C4orf51: variants seen among roughly 807,000 people sequenced by gnomAD.
C4orf51 encodes chromosome 4 open reading frame 51.
In C4orf51, 25 loss-of-function variants were observed where a neutral mutation model predicts 25.2. The ratio of observed to expected loss-of-function variants is 0.99; its 90% CI spans 0.72 to 1.39. The LOEUF is 1.39. C4orf51 is among the 40% of genes most tolerant of loss of function. The probability of loss-of-function intolerance (pLI) is 0.00; values close to 1 mark genes in which losing one functional copy is unlikely to be tolerated. For synonymous variants in C4orf51, 100 were observed against 84.5 expected (o/e 1.18, Z -1.01); for missense variants, 252 against 239.6 (o/e 1.05, Z -0.34).
intron 1 of C4orf51, among the ~76,000 whole-genome samples, chr4:145,682,689 C>T (rs191655429): frequency 5.9e-5 from 9 of 152,038 alleles, no homozygotes; most frequent in East Asian, 3.9e-4. Flanking sequence ...CAGTTTTAAC[C>T]GCAGATATGT....
At chr4:145,696,869 CA>C (rs1730097451) in intron 2 of C4orf51, among the ~76,000 whole-genome samples, 1 of 151,778 alleles carries the variant, frequency 6.6e-6, no homozygotes, top group Non-Finnish European at 1.5e-5. Flanking sequence ...CCATCTCTAC[CA>C]AAAATACAAA....
At chr4:145,767,322 T>C (rs1465306965) in intron 1 of C4orf51, among the ~76,000 whole-genome samples, 1 of 152,124 alleles carries the variant, frequency 6.6e-6, no homozygotes, top group African/African-American at 2.4e-5. Flanking sequence ...ATAATAGCTA[T>C]AGAAACTATC....
In C4orf51 at chr4:145,763,855, C is replaced by T. The variant is rs182271513; in HGVS notation, n.167-7133C>T. On this transcript the variant is annotated intron_variant and non_coding_transcript_variant, in intron 1 of 1. Transcript: ENST00000510096. This position sits in a 1 kb window ranked among gnomAD's most constrained non-coding sequence, Gnocchi z 4.6. ...CCCCTCCCCAATCCCTTCTGCCCTC[C>T]CCTCCCCCTCCCCCAAGAGTGAAAC... Among the ~76,000 whole-genome samples, 2,601 of 152,218 alleles carry T rather than the reference C, an allele frequency of 0.017. 56 individuals carry two copies. The highest frequency in any genetic ancestry group is 0.023 in the Non-Finnish European group (1,548 of 67,986).
chr4:145,747,636 G>A (rs930355567), intron 1 of C4orf51, among the ~76,000 whole-genome samples: 3 of 151,424 alleles, frequency 2.0e-5, no homozygotes, highest in Admixed American at 6.6e-5. Flanking sequence ...ATCAATATCA[G>A]TGACATTGAT....
At chr4:145,698,377 G>GATTACATGTATCAA (rs1730206425) in intron 2 of C4orf51, among the ~76,000 whole-genome samples, 1 of 152,206 alleles carries the variant, frequency 6.6e-6, no homozygotes, top group East Asian at 1.9e-4. Context: ...CATGTAAGAT[G>GATTACATGTATCAA]TACATTGGTT....
At chr4:145,691,973 C>CATCACACAAT (rs1560822471) in intron 1 of C4orf51, among the ~76,000 whole-genome samples, 1 of 152,198 alleles carries the variant, frequency 6.6e-6, no homozygotes, top group African/African-American at 2.4e-5. Flanking sequence ...CTCTGATATA[C>CATCACACAAT]AGCTGATAGG....
intron 1 of C4orf51, among the ~76,000 whole-genome samples, chr4:145,741,366 T>A (rs1733088037): frequency 6.6e-6 from 1 of 152,192 alleles, no homozygotes; most frequent in Non-Finnish European, 1.5e-5. Context: ...TTTTTTGGAC[T>A]CTTTGTATTT....
At chr4:145,760,719 GGTT>G in intron 1 of C4orf51, 2 of 845,942 alleles carry the variant, frequency 2.4e-6, no homozygotes, top group Non-Finnish European at 2.8e-6. Context: ...TAAGTTTTGT[GGTT>G]TTTTTTTTTT....
At chr4:145,682,193 AG>A (rs928799492) in intron 1 of C4orf51, among the ~76,000 whole-genome samples, 4 of 152,104 alleles carry the variant, frequency 2.6e-5, no homozygotes, top group Non-Finnish European at 4.4e-5. Flanking sequence ...TGAGCTTGTG[AG>A]GTTCATCTGT....
chr4:145,705,132 A>G (rs1434895929), intron 2 of C4orf51, among the ~76,000 whole-genome samples: 1 of 152,188 alleles, frequency 6.6e-6, no homozygotes, highest in Non-Finnish European at 1.5e-5. Context: ...CATTTGAGGC[A>G]TTCTTCCCTT....
chr4:145,757,038 AATAG>A (rs1193881398), downstream of C4orf51, among the ~76,000 whole-genome samples: 1 of 152,202 alleles, frequency 6.6e-6, no homozygotes, highest in Non-Finnish European at 1.5e-5. Context: ...AAAGGTCTCA[AATAG>A]ATAGAACAAA....
intron 1 of C4orf51, among the ~76,000 whole-genome samples, chr4:145,691,422 C>T (rs933806935): frequency 3.9e-5 from 6 of 152,148 alleles, no homozygotes; most frequent in Admixed American, 3.9e-4. Context: ...CTGCCATTGA[C>T]CCAGCAATCT....
chr4:145,720,969 T>C (rs1446310297), intron 2 of C4orf51, among the ~76,000 whole-genome samples: 13 of 152,244 alleles, frequency 8.5e-5, no homozygotes, highest in Non-Finnish European at 5.9e-5. Context: ...CAGAGGGACC[T>C]TTTAACTTCA....
intron 2 of C4orf51, among the ~76,000 whole-genome samples, chr4:145,724,833 A>G (rs1013430959): frequency 1.4e-5 from 2 of 145,094 alleles, no homozygotes; most frequent in African/African-American, 2.6e-5. Flanking sequence ...GCAGTGAGCC[A>G]TGATCATGCA....
intron 2 of C4orf51, among the ~76,000 whole-genome samples, chr4:145,701,685 T>G (rs1199834764): frequency 6.6e-6 from 1 of 151,696 alleles, no homozygotes; most frequent in Admixed American, 6.6e-5. Flanking sequence ...CCACTCCACA[T>G]TACCTTCTTT....
chr4:145,782,154 A>C, the C4orf51 span, among the ~76,000 whole-genome samples: 9 of 152,174 alleles, frequency 5.9e-5, no homozygotes, highest in Non-Finnish European at 1.2e-4. Context: ...TGCTCTCCCC[A>C]CCTCATGTTT....
downstream of C4orf51, chr4:145,774,606 C>T (rs778417507): frequency 6.2e-7 from 1 of 1,613,726 alleles, no homozygotes; most frequent in Admixed American, 1.7e-5. Flanking sequence ...GCTCCTTGTC[C>T]ACGTGGAGTG....
intron 1 of C4orf51, chr4:145,764,750 TGCCC>T: frequency 3.6e-6 from 2 of 555,050 alleles, no homozygotes; most frequent in Admixed American, 3.2e-5. Context: ...TCTTTTTTCT[TGCCC>T]TGAATCCCGG....
chr4:145,761,879 G>A lies in C4orf51; in HGVS notation n.167-9109G>A, dbSNP rs1734566735. Among the ~76,000 whole-genome samples the A allele has an allele frequency of 6.6e-6, 1 of 152,226 alleles. No homozygotes were observed. The highest frequency in any genetic ancestry group is 1.5e-5 in the Non-Finnish European group (1 of 68,038). On this transcript the variant is annotated intron_variant and non_coding_transcript_variant, in intron 1 of 1. Transcript: ENST00000510096. This position sits in a 1 kb window ranked among gnomAD's most constrained non-coding sequence, Gnocchi z 6.8. ...GCAAGGCCAGCCCTCACCAAGGGGA[G>A]CAGAGAAAGTGCCAGGAATCAATTT...
Sources: gnomAD v4.1 joint callset for allele counts (sites outside exome capture counted in the v4.1 genomes callset) on GRCh38, gnomAD v4.1.1 for gene constraint, Gnocchi (gnomAD v3.1) non-coding constraint, MANE v1.5 for transcripts, NCBI Gene and HGNC (gene_info 2026-07-23, HGNC 2026-07-21) for gene names.